SDK2: variants seen among roughly 807,000 people sequenced by gnomAD.
The protein encoded by SDK2 is sidekick cell adhesion molecule 2, also known as protein sidekick-2.
Under a neutral mutation model 253.9 loss-of-function variants are expected in SDK2, and 105 were observed. The observed-to-expected ratio is 0.41, with a 90% CI of 0.35 to 0.49. SDK2 has a LOEUF of 0.49. Among genes scored for constraint, SDK2 ranks in the 20% least tolerant of loss-of-function variants. The pLI is 0.06. For synonymous variants in SDK2, 1,249 were observed against 1,234.9 expected (o/e 1.01, Z -0.24); for missense variants, 2,608 against 3,003.0 (o/e 0.87, Z 3.07).
intron 2 of SDK2, among the ~76,000 whole-genome samples, chr17:73,498,238 G>A (rs969511963): frequency 6.6e-6 from 1 of 152,132 alleles, no homozygotes; most frequent in African/African-American, 2.4e-5. Context: ...CTTCTCTCAC[G>A]GTTTGTCCAC....
At chr17:73,480,535 G>GAAAAAAAACTCT (rs1229398288) in intron 2 of SDK2, among the ~76,000 whole-genome samples, 3 of 152,166 alleles carry the variant, frequency 2.0e-5, no homozygotes, top group Non-Finnish European at 4.4e-5. Flanking sequence ...GGCAAACAGA[G>GAAAAAAAACTCT]CTCACCTGTT....
chr17:73,423,700 C>T (rs750662253), intron 13 of SDK2, among the ~76,000 whole-genome samples, 178 bp from the exon 14 acceptor site: 13 of 152,212 alleles, frequency 8.5e-5, no homozygotes, highest in Non-Finnish European at 1.5e-4. Flanking sequence ...AGCCCTCCTG[C>T]TAAAGCCATC....
intron 3 of SDK2, among the ~76,000 whole-genome samples, chr17:73,471,729 G>A (rs976595874): frequency 2.6e-5 from 4 of 152,176 alleles, no homozygotes; most frequent in African/African-American, 9.7e-5. Context: ...GGACCACAGA[G>A]GAGGCATTGG....
In SDK2 at chr17:73,612,822, C is replaced by T. The variant is rs2045994152; in HGVS notation, c.64+31203G>A. Among the ~76,000 whole-genome samples, 1 of 152,134 alleles carries T rather than the reference C, an allele frequency of 6.6e-6. No homozygotes were observed. The highest frequency in any genetic ancestry group is 6.5e-5 in the Admixed American group (1 of 15,276). On this transcript the variant is annotated intron_variant, in intron 1 of 44. Transcript: ENST00000392650. This position sits in a 1 kb window ranked among gnomAD's most constrained non-coding sequence, Gnocchi z 4.4. The stretch of plus-strand genomic sequence containing the variant: ...GTCCCAGCTACTCAGGAGGCTGAGG[C>T]AGGACAATCTCTTGAACCCAGGAGG...
At chr17:73,405,468 ATATATAT>A in intron 18 of SDK2, among the ~76,000 whole-genome samples, 1 of 4,520 alleles carries the variant, frequency 2.2e-4, no homozygotes, top group Non-Finnish European at 4.6e-4. Flanking sequence ...ACAAAAAACC[ATATATAT>A]ATATATATAT....
chr17:73,362,684 C>A (rs550683305), intron 38 of SDK2, among the ~76,000 whole-genome samples: 1 of 152,286 alleles, frequency 6.6e-6, no homozygotes, highest in Admixed American at 6.5e-5. Flanking sequence ...AACCACTATG[C>A]CCAGTCCACC....
intron 1 of SDK2, among the ~76,000 whole-genome samples, chr17:73,512,389 G>A (rs924725837): frequency 6.6e-6 from 1 of 152,056 alleles, no homozygotes; most frequent in Non-Finnish European, 1.5e-5. Context: ...TACTAGGATG[G>A]TGCAGTAAAC....
chr17:73,455,894 C>T lies in SDK2; in HGVS notation c.479+12G>A, dbSNP rs1021293447. On this transcript the variant is annotated intron_variant, in intron 4 of 44. Transcript: ENST00000392650. This position sits in a 1 kb window ranked among gnomAD's most constrained non-coding sequence, Gnocchi z 5.0. ...CCCTCCCCTCCCCGTCCCCTCAGAGCGATGCACTCACATGCGGCTGCTGGG... is the reference window on the plus strand; with the variant it reads ...CCCTCCCCTCCCCGTCCCCTCAGAGTGATGCACTCACATGCGGCTGCTGGG... 17 of 1,538,940 alleles carry T rather than the reference C, an allele frequency of 1.1e-5. 1 individual carries two copies. The highest frequency in any genetic ancestry group is 7.2e-5 in the South Asian group (6 of 83,718).
chr17:73,422,461 G>A (rs2063240707), intron 14 of SDK2, 27 bp from the exon 15 acceptor site: 5 of 1,608,104 alleles, frequency 3.1e-6, no homozygotes, highest in Non-Finnish European at 4.3e-6. Context: ...TGGGGCAGAA[G>A]TGGGTATCTT....
chr17:73,355,558 G>A lies in SDK2; in HGVS notation c.5593+2521C>T, dbSNP rs183090886. On this transcript the variant is annotated intron_variant, in intron 40 of 44. Transcript: ENST00000392650. ...AGATGGGGTTTCACCATATTGGCGA[G>A]GATGGTCTCGATCTCCTGACCTCGT... Among the ~76,000 whole-genome samples, 475 of 152,158 alleles carry A rather than the reference G, an allele frequency of 3.1e-3. 4 individuals carry two copies. The highest frequency in any genetic ancestry group is 0.011 in the African/African-American group (454 of 41,498).
At chr17:73,349,424 A>G (rs536633691) in intron 43 of SDK2, among the ~76,000 whole-genome samples, 5 of 152,336 alleles carry the variant, frequency 3.3e-5, no homozygotes, top group Admixed American at 1.3e-4. Context: ...GGGAATGCCA[A>G]TAGGGCTGAG....
At chr17:73,475,659 C>T (rs2063681388) in intron 2 of SDK2, among the ~76,000 whole-genome samples, 1 of 152,178 alleles carries the variant, frequency 6.6e-6, no homozygotes, top group South Asian at 2.1e-4. Context: ...GTGTCCAAGA[C>T]ACAGAGCATG....
chr17:73,395,107 C>T lies in SDK2; in HGVS notation c.3592+48G>A. The T allele has an allele frequency of 6.8e-7, 1 of 1,471,136 alleles. No homozygotes were observed. The highest frequency in any genetic ancestry group is 1.2e-5 in the South Asian group (1 of 81,370). 91.1% of individuals were successfully genotyped at this position (1,471,136 alleles called of 1,614,324 possible). A position where few individuals can be genotyped will look rare whatever the true frequency, so the allele number is the denominator to read the frequency against. ...TTGGATGACCCTGAGGGCATAGAGA[C>T]CAAGGAGGGGACAGGCAGCAGGGTG... is the stretch of plus-strand genomic sequence containing the variant. On this transcript the variant is annotated intron_variant, in intron 25 of 44. Transcript: ENST00000392650. This position sits in a 1 kb window ranked among gnomAD's most constrained non-coding sequence, Gnocchi z 4.3.
At chr17:73,499,655 T>G (rs1281611831) in intron 2 of SDK2, among the ~76,000 whole-genome samples, 1 of 152,166 alleles carries the variant, frequency 6.6e-6, no homozygotes, top group African/African-American at 2.4e-5. Context: ...GGCAGCACAC[T>G]CAGGTCCAAC....
At chr17:73,402,314 C>A (rs1427632822) in intron 18 of SDK2, among the ~76,000 whole-genome samples, 173 bp from the exon 19 acceptor site, 1 of 152,250 alleles carries the variant, frequency 6.6e-6, no homozygotes, top group Non-Finnish European at 1.5e-5. Flanking sequence ...TACTGGGGTT[C>A]ACTTTGGGGC....
At chr17:73,493,040 A>G (rs928255048) in intron 2 of SDK2, among the ~76,000 whole-genome samples, 10 of 152,228 alleles carry the variant, frequency 6.6e-5, no homozygotes, top group Non-Finnish European at 4.4e-5. Flanking sequence ...TCTCCAGCCC[A>G]GCTGTGTGCG....
intron 1 of SDK2, among the ~76,000 whole-genome samples, chr17:73,571,912 A>G (rs898797187): frequency 2.0e-5 from 3 of 152,106 alleles, no homozygotes; most frequent in Admixed American, 6.5e-5. Context: ...CGGGCTTTCC[A>G]TGGCCAACCT....
intron 1 of SDK2, among the ~76,000 whole-genome samples, chr17:73,553,788 C>G (rs962266383): frequency 7.2e-5 from 11 of 152,196 alleles, no homozygotes; most frequent in Admixed American, 1.3e-4. Flanking sequence ...GCATGACCAG[C>G]TCCAGCCTGA....
intron 1 of SDK2, among the ~76,000 whole-genome samples, chr17:73,524,498 A>G (rs2145791760): frequency 6.6e-6 from 1 of 152,218 alleles, no homozygotes; most frequent in African/African-American, 2.4e-5. Flanking sequence ...GGCTCCTTGT[A>G]TTCCCCTTTT....
Sources: allele counts gnomAD v4.1 joint callset (sites outside exome capture counted in the v4.1 genomes callset), GRCh38; gene constraint gnomAD v4.1.1; non-coding constraint Gnocchi (gnomAD v3.1); transcripts MANE v1.5; gene names NCBI Gene and HGNC (gene_info 2026-07-23, HGNC 2026-07-21).